CTNNA3: variants seen among roughly 807,000 people sequenced by gnomAD.
The protein encoded by CTNNA3 is catenin alpha-3.
Under a neutral mutation model 95.7 loss-of-function variants are expected in CTNNA3, and 76 were observed. That is an observed-to-expected ratio of 0.79 (90% CI 0.66 to 0.96). CTNNA3 has a LOEUF of 0.96. Ranked by LOEUF, CTNNA3 falls within the 40% of genes least tolerant of loss-of-function variation. The pLI is 0.00. For missense variants in CTNNA3, 1,191 were observed against 1,089.8 expected, an observed-to-expected ratio of 1.09 and a Z score of -1.31; for synonymous variants, 431 against 374.4, an observed-to-expected ratio of 1.15 and a Z score of -1.74.
chr10:66,292,090 C>T (rs2091692293), intron 12 of CTNNA3, among the ~76,000 whole-genome samples: 1 of 151,586 alleles, frequency 6.6e-6, no homozygotes, highest in African/African-American at 2.4e-5. Flanking sequence ...CACACACACA[C>T]ACACATATAT....
intron 3 of CTNNA3, among the ~76,000 whole-genome samples, chr10:67,560,492 A>G (rs982107044): frequency 6.6e-6 from 1 of 152,226 alleles, no homozygotes; most frequent in African/African-American, 2.4e-5. Context: ...AGGAAGCACT[A>G]AACATGGAAA....
chr10:65,953,970 C>T (rs2077676731), intron 17 of CTNNA3, among the ~76,000 whole-genome samples: 1 of 152,200 alleles, frequency 6.6e-6, no homozygotes, highest in Admixed American at 6.5e-5. Flanking sequence ...CACTGTCTTC[C>T]ACAATGGTTG....
chr10:66,902,349 A>G, intron 7 of CTNNA3, among the ~76,000 whole-genome samples: 1 of 152,166 alleles, frequency 6.6e-6, no homozygotes, highest in East Asian at 1.9e-4. Context: ...CAAAGACACA[A>G]TGTACCAGAA....
intron 7 of CTNNA3, among the ~76,000 whole-genome samples, chr10:66,913,739 T>A (rs1437044315): frequency 6.6e-6 from 1 of 152,150 alleles, no homozygotes; most frequent in Non-Finnish European, 1.5e-5. Context: ...CTGATCTTCA[T>A]AGAGCGAGAT....
At chr10:66,137,357 T>C (rs2083406649) in intron 13 of CTNNA3, among the ~76,000 whole-genome samples, 1 of 152,054 alleles carries the variant, frequency 6.6e-6, no homozygotes, top group Non-Finnish European at 1.5e-5. Flanking sequence ...GCTTGGAATC[T>C]TCAAAATTAT....
intron 11 of CTNNA3, among the ~76,000 whole-genome samples, chr10:66,448,541 A>G (rs1042634008): frequency 6.6e-6 from 1 of 152,108 alleles, no homozygotes; most frequent in Non-Finnish European, 1.5e-5. Context: ...CATGGATGAA[A>G]CTGGAAACCA....
intron 16 of CTNNA3, among the ~76,000 whole-genome samples, chr10:65,969,785 C>G (rs1357553368): frequency 6.6e-6 from 1 of 151,722 alleles, no homozygotes; most frequent in African/African-American, 2.4e-5. Context: ...GTAAAGTGGC[C>G]AAACCTAAAA....
intron 7 of CTNNA3, among the ~76,000 whole-genome samples, chr10:66,937,895 T>C (rs928291311): frequency 2.0e-5 from 3 of 152,134 alleles, no homozygotes; most frequent in Admixed American, 6.6e-5. Context: ...TTTCTGTTTT[T>C]TTTCCCCCTC....
rs555965884 is a variant in CTNNA3 at position 67,634,028 on chromosome 10, TC to T, written c.99+13386del. 5.2e-4 allele frequency among the ~76,000 whole-genome samples: 79 copies of T among 152,074 alleles called. 2 individuals are homozygous for T. The highest frequency in any genetic ancestry group is 1.8e-3 in the African/African-American group (75 of 41,476). On this transcript the variant is annotated intron_variant, in intron 2 of 17. Coordinates refer to ENST00000433211, the MANE Select transcript of CTNNA3 (RefSeq NM_013266.4). Reference sequence around the variant, plus strand: ...AGATCAACCCCAAGACAAATAATCGTCAGATTCTTCAAGGTTAAAATGAAAG... The same window carrying T: ...AGATCAACCCCAAGACAAATAATCGTAGATTCTTCAAGGTTAAAATGAAAG...
At chr10:66,993,339 C>G (rs577013304) in intron 7 of CTNNA3, among the ~76,000 whole-genome samples, 1 of 152,122 alleles carries the variant, frequency 6.6e-6, no homozygotes, top group Non-Finnish European at 1.5e-5. Flanking sequence ...CCACCTCTGC[C>G]TTATTCTATT....
chr10:67,017,440 T>A, intron 7 of CTNNA3, among the ~76,000 whole-genome samples: 1 of 152,150 alleles, frequency 6.6e-6, no homozygotes, highest in Non-Finnish European at 1.5e-5. Context: ...TAAAAAGAAA[T>A]CTACTCTGTG....
chr10:66,729,768 T>G (rs1848895652), intron 9 of CTNNA3, among the ~76,000 whole-genome samples: 2 of 152,108 alleles, frequency 1.3e-5, no homozygotes, highest in Non-Finnish European at 2.9e-5. Context: ...CCAAACACCA[T>G]GTGTTCCCCC....
intron 5 of CTNNA3, among the ~76,000 whole-genome samples, chr10:67,454,125 G>T (rs1272694024): frequency 3.9e-5 from 6 of 152,142 alleles, no homozygotes; most frequent in African/African-American, 1.2e-4. Context: ...CACTATATTA[G>T]AGATGAATAC....
intron 9 of CTNNA3, among the ~76,000 whole-genome samples, chr10:66,689,458 C>G (rs180913024): frequency 6.6e-6 from 1 of 152,162 alleles, no homozygotes; most frequent in African/African-American, 2.4e-5. Flanking sequence ...CATATTTATG[C>G]AAATGTGGCT....
chr10:66,315,068 A>G (rs1343559691), intron 12 of CTNNA3, among the ~76,000 whole-genome samples: 1 of 152,094 alleles, frequency 6.6e-6, no homozygotes, highest in Non-Finnish European at 1.5e-5. Context: ...TACATTTTTC[A>G]AGGGTAATAG....
rs537843607 is a variant in CTNNA3, at chr10:66,097,755, C to G, written c.1977+5402G>C. Among the ~76,000 whole-genome samples, 53 of 152,186 alleles carry G rather than the reference C, an allele frequency of 3.5e-4. No homozygotes were observed. In the South Asian group the frequency reaches 0.011, roughly 30 times the overall value. ...AGTTTGAGGAACGTTCAGCTGCCACCCTGCTGCAACTTAAATAATTTCCTA... is the reference window on the plus strand; with the variant it reads ...AGTTTGAGGAACGTTCAGCTGCCACGCTGCTGCAACTTAAATAATTTCCTA... On this transcript the variant is annotated intron_variant, in intron 14 of 17. Transcript: ENST00000433211.
chr10:67,384,871 T>TA (rs1235898087), intron 5 of CTNNA3, among the ~76,000 whole-genome samples: 2 of 152,236 alleles, frequency 1.3e-5, no homozygotes, highest in African/African-American at 4.8e-5. Flanking sequence ...ATTATGCAAT[T>TA]ATTCCCCTTT....
chr10:66,080,515 T>C (rs1352157153), intron 14 of CTNNA3, among the ~76,000 whole-genome samples: 1 of 152,194 alleles, frequency 6.6e-6, no homozygotes, highest in Non-Finnish European at 1.5e-5. Flanking sequence ...TGATTTTTAC[T>C]TAAAGATGTA....
chr10:66,769,322 G>T (rs4512726), intron 8 of CTNNA3, among the ~76,000 whole-genome samples: 129,194 of 152,026 alleles, frequency 0.85, 55,197 homozygotes, highest in East Asian at 1. Context: ...CATGGTCAGA[G>T]GCAGGGATGT....
Sources: allele counts gnomAD v4.1 joint callset (sites outside exome capture counted in the v4.1 genomes callset), GRCh38; gene constraint gnomAD v4.1.1; transcripts MANE v1.5; gene names NCBI Gene and HGNC (gene_info 2026-07-23, HGNC 2026-07-21).